Variants in CNTNAP2 observed in about 807,000 individuals in gnomAD.
CNTNAP2 encodes contactin associated protein 2, also known as contactin-associated protein-like 2.
In CNTNAP2, 98 loss-of-function variants were observed where a neutral mutation model predicts 155.2. The ratio of observed to expected loss-of-function variants is 0.63; its 90% CI spans 0.54 to 0.75. CNTNAP2 has a LOEUF of 0.75. CNTNAP2 is among the 30% of genes least tolerant of loss of function. The pLI, the probability that CNTNAP2 is intolerant of heterozygous loss-of-function variation, is 0.00. For missense variants in CNTNAP2, 1,727 were observed against 1,688.1 expected, an observed-to-expected ratio of 1.02 and a Z score of -0.40; for synonymous variants, 651 against 631.2, an observed-to-expected ratio of 1.03 and a Z score of -0.47.
chr7:146,883,399 T>G (rs1251639709), intron 3 of CNTNAP2, among the ~76,000 whole-genome samples: 1 of 152,092 alleles, frequency 6.6e-6, no homozygotes, highest in African/African-American at 2.4e-5. Context: ...AAAAAATACG[T>G]TTTTTTCTAT....
intron 9 of CNTNAP2, among the ~76,000 whole-genome samples, chr7:147,330,000 C>A (rs918048561): frequency 6.6e-6 from 1 of 152,112 alleles, no homozygotes; most frequent in East Asian, 1.9e-4. Context: ...ACCCTTGGAG[C>A]TTCCTGAGTG....
intron 4 of CNTNAP2, among the ~76,000 whole-genome samples, chr7:147,074,282 A>G (rs969352828): frequency 4.6e-5 from 7 of 152,028 alleles, no homozygotes; most frequent in Non-Finnish European, 1.0e-4. Context: ...GGCCTATGCT[A>G]TGGGTTCAGA....
chr7:146,516,382 G>T (rs1797542010), intron 1 of CNTNAP2, among the ~76,000 whole-genome samples: 1 of 151,946 alleles, frequency 6.6e-6, no homozygotes, highest in Non-Finnish European at 1.5e-5. Context: ...CTATTTTAAT[G>T]CTTCCAATGG....
intron 13 of CNTNAP2, among the ~76,000 whole-genome samples, chr7:147,735,449 G>A (rs546265960): frequency 1.3e-5 from 2 of 152,234 alleles, no homozygotes; most frequent in South Asian, 4.2e-4. Flanking sequence ...CAACTATGTG[G>A]TCAATTTTGG....
chr7:147,527,180 G>A (rs2116717905), intron 11 of CNTNAP2, among the ~76,000 whole-genome samples: 1 of 151,756 alleles, frequency 6.6e-6, no homozygotes, highest in Non-Finnish European at 1.5e-5. Flanking sequence ...CCACCACCAT[G>A]TATGGCTAAT....
chr7:147,214,224 T>G (rs1233256422), intron 8 of CNTNAP2, among the ~76,000 whole-genome samples: 1 of 152,292 alleles, frequency 6.6e-6, no homozygotes, highest in South Asian at 2.1e-4. Flanking sequence ...GAATTTAAAT[T>G]GTTTGCAATT....
Position 147,193,511 on chromosome 7 carries a change from AC to A in CNTNAP2, c.1348+61003del, listed in dbSNP as rs200008109. ...CCACAAGGAATCACATTCTGGTGAAACAACAGATAACTAAACTATTTAAGTA... is the reference window on the plus strand; with the variant it reads ...CCACAAGGAATCACATTCTGGTGAAAAACAGATAACTAAACTATTTAAGTA... On this transcript the variant is annotated intron_variant, in intron 8 of 23. Coordinates refer to ENST00000361727, the MANE Select transcript of CNTNAP2 (RefSeq NM_014141.6). 8.1e-3 allele frequency among the ~76,000 whole-genome samples: 1,240 copies of A among 152,320 alleles called. 15 individuals carry two copies. Among genetic ancestry groups the A allele is most frequent in the African/African-American group, 0.029 (1,187 of 41,564 alleles).
At chr7:146,741,319 A>C (rs1004414761) in intron 1 of CNTNAP2, among the ~76,000 whole-genome samples, 1 of 152,108 alleles carries the variant, frequency 6.6e-6, no homozygotes, top group Non-Finnish European at 1.5e-5. Flanking sequence ...CTTGCTGGAG[A>C]GTCCTACTCC....
At chr7:146,569,249 G>A (rs1290231675) in intron 1 of CNTNAP2, among the ~76,000 whole-genome samples, 1 of 152,082 alleles carries the variant, frequency 6.6e-6, no homozygotes, top group Non-Finnish European at 1.5e-5. Flanking sequence ...ATCTCCTCCT[G>A]ACTTCGTGAT....
intron 13 of CNTNAP2, among the ~76,000 whole-genome samples, chr7:147,712,555 A>G (rs1243541826): frequency 2.0e-5 from 3 of 152,234 alleles, no homozygotes; most frequent in African/African-American, 7.2e-5. Flanking sequence ...ACCGTGGAAT[A>G]CCACGCAGCC....
rs143720486 is a variant in CNTNAP2, at chr7:148,172,161, A to C, written c.2774-81A>C. The C allele has an allele frequency of 1.2e-3, 1,659 of 1,368,550 alleles. 10 individuals are homozygous for C. The African/African-American group carries it at 0.02, about 16-fold the overall frequency. 84.8% of individuals were successfully genotyped at this position (1,368,550 alleles called of 1,614,324 possible). On this transcript the variant is annotated intron_variant, in intron 17 of 23. Transcript: ENST00000361727. ...GATGTGCTATGCAGTGTCATCTCCTACCACAGTTGTTCAAAATATGAAGAA... is the reference window on the plus strand; with the variant it reads ...GATGTGCTATGCAGTGTCATCTCCTCCCACAGTTGTTCAAAATATGAAGAA...
chr7:148,043,879 A>G (rs1039418985), intron 15 of CNTNAP2, among the ~76,000 whole-genome samples: 3 of 152,208 alleles, frequency 2.0e-5, no homozygotes, highest in African/African-American at 7.2e-5. Context: ...AAATCTTTTC[A>G]TAACCGCTTT....
At chr7:147,738,675 G>C (rs1796901232) in intron 13 of CNTNAP2, among the ~76,000 whole-genome samples, 2 of 135,922 alleles carry the variant, frequency 1.5e-5, no homozygotes, top group African/African-American at 2.7e-5. Flanking sequence ...TTTTTTTTTA[G>C]GTGGAGTCTT....
chr7:148,350,278 G>A (rs1330699412), intron 21 of CNTNAP2, among the ~76,000 whole-genome samples: 2 of 152,122 alleles, frequency 1.3e-5, no homozygotes, highest in Non-Finnish European at 2.9e-5. Flanking sequence ...AGGGATTAAG[G>A]AATTTCTGTC....
At chr7:146,415,351 G>A (rs183740269) in intron 1 of CNTNAP2, among the ~76,000 whole-genome samples, 11 of 152,172 alleles carry the variant, frequency 7.2e-5, no homozygotes, top group Admixed American at 3.3e-4. Flanking sequence ...AAATGTACTC[G>A]TTTTGATTAA....
intron 1 of CNTNAP2, among the ~76,000 whole-genome samples, chr7:146,435,014 G>A (rs1382019301): frequency 1.3e-5 from 2 of 152,062 alleles, no homozygotes; most frequent in South Asian, 2.1e-4. Context: ...AGGAGCCATG[G>A]AAGTTTCTTA....
intron 15 of CNTNAP2, among the ~76,000 whole-genome samples, chr7:147,999,357 T>C (rs2116891413): frequency 6.6e-6 from 1 of 152,340 alleles, no homozygotes; most frequent in Admixed American, 6.5e-5. Flanking sequence ...ATTACAGGCA[T>C]GAGCCACCAT....
At chr7:148,066,093 G>T (rs1803253569) in intron 15 of CNTNAP2, among the ~76,000 whole-genome samples, 1 of 152,114 alleles carries the variant, frequency 6.6e-6, no homozygotes. Context: ...TTTTGTTTAA[G>T]GAGGCTAAAG....
intron 14 of CNTNAP2, among the ~76,000 whole-genome samples, chr7:147,935,404 CGTGA>C (rs1800587280): frequency 6.6e-6 from 1 of 152,116 alleles, no homozygotes; most frequent in Non-Finnish European, 1.5e-5. Context: ...GGATTACAGG[CGTGA>C]GCCACTGCGC....
Sources: gnomAD v4.1 joint callset for allele counts (sites outside exome capture counted in the v4.1 genomes callset) on GRCh38, gnomAD v4.1.1 for gene constraint, MANE v1.5 for transcripts, NCBI Gene and HGNC (gene_info 2026-07-23, HGNC 2026-07-21) for gene names.